IQCE: variants seen among roughly 807,000 people sequenced by gnomAD.
IQCE encodes IQ motif containing E, also known as IQ domain-containing protein E.
A neutral mutation model predicts 96.0 loss-of-function variants in IQCE; 115 were observed. The observed-to-expected ratio is 1.20, with a 90% CI of 1.03 to 1.40. The LOEUF is 1.40. Ranked by LOEUF, IQCE falls within the 40% of genes most tolerant of loss-of-function variation. The pLI, the probability that IQCE is intolerant of heterozygous loss-of-function variation, is 0.00. For synonymous variants in IQCE, 412 were observed against 371.2 expected (o/e 1.11, Z -1.26); for missense variants, 1,041 against 909.1 (o/e 1.15, Z -1.87).
rs750537749 is a variant in IQCE at position 2,605,908 on chromosome 7, C to T, written c.1776C>T (p.Ile592=). ...SSPVPRVPSP[I]AQATGSPVQE... ...CTGTGCCCCGCGTTCCGAGCCCCAT[C>T]GCCCAGGCCACGGGCAGCCCTGTGC... Residue 592 remains isoleucine (I), a synonymous_variant, in exon 20 of 22, where the codon ATC becomes ATT. Coordinates refer to ENST00000402050, the MANE Select transcript of IQCE (RefSeq NM_152558.5). 1.1e-4 allele frequency: 170 copies of T among 1,607,918 alleles called. 1 individual carries two copies. In the Admixed American group the frequency reaches 2.3e-3, roughly 21 times the overall value.
At chr7:2,603,648 C>G (rs557591026) in intron 18 of IQCE, among the ~76,000 whole-genome samples, 1 of 152,348 alleles carries the variant, frequency 6.6e-6, no homozygotes, top group African/African-American at 2.4e-5. Context: ...CCTCCCGTAC[C>G]TGGCAGCCAC....
chr7:2,591,239 A>T (rs1281766694), intron 14 of IQCE, among the ~76,000 whole-genome samples: 1 of 151,768 alleles, frequency 6.6e-6, no homozygotes, highest in East Asian at 1.9e-4. Flanking sequence ...GGTAACAGTG[A>T]GACTCTGTCT....
intron 20 of IQCE, 27 bp downstream of exon 20, chr7:2,606,024 A>G: frequency 6.3e-7 from 1 of 1,592,568 alleles, no homozygotes; most frequent in Non-Finnish European, 8.5e-7. Context: ...GGGACGTGGG[A>G]CACAGACATG....
At chr7:2,596,271 AAAAG>A (rs1296352824) in intron 16 of IQCE, among the ~76,000 whole-genome samples, 2 of 152,002 alleles carry the variant, frequency 1.3e-5, no homozygotes, top group Non-Finnish European at 2.9e-5. Context: ...CTAAAAAAAG[AAAAG>A]AAAGAGAGAA....
rs765474850 is a variant in IQCE, at chr7:2,598,589, C to T, written c.1565C>T (p.Ala522Val). The T allele has an allele frequency of 6.3e-5, 101 of 1,600,670 alleles. No individual in the cohort carries two copies. Among genetic ancestry groups the T allele is most frequent in the Non-Finnish European group, 8.2e-5 (96 of 1,174,074 alleles). ...SPCSDGRRDA[A>V]ARVLQAQWKV... ...TGCTCTGATGGGAGAAGAGACGCCG[C>T]GGCCAGAGTCCTGCAGGCCCAGTGG... The change falls in exon 17 of 22, where the codon GCG becomes GTG. Residue 522 changes from alanine (A) to valine (V), a missense_variant. Ala to Val is a moderately conservative substitution (Grantham distance 64). Transcript: ENST00000402050.
chr7:2,593,170 G>A (rs539229812), intron 15 of IQCE, 44 bp downstream of exon 15: 157 of 1,567,982 alleles, frequency 1.0e-4, no homozygotes, highest in Middle Eastern at 2.0e-4. Context: ...AGGCGAGTCC[G>A]CACTCCTGCT....
chr7:2,571,765 C>G, intron 4 of IQCE, 111 bp downstream of exon 4: 1 of 1,195,646 alleles, frequency 8.4e-7, no homozygotes, highest in Non-Finnish European at 1.2e-6. Context: ...ATTACATTGT[C>G]TTTAGTTTTC....
At chr7:2,572,513 C>T (rs1010961756) in intron 5 of IQCE, among the ~76,000 whole-genome samples, 187 bp downstream of exon 5, 4 of 152,160 alleles carry the variant, frequency 2.6e-5, no homozygotes, top group Non-Finnish European at 5.9e-5. Flanking sequence ...CCCGCCTGCC[C>T]CAGAAGGTAG....
intron 1 of IQCE, among the ~76,000 whole-genome samples, chr7:2,562,318 C>A (rs1372360186): frequency 6.9e-6 from 1 of 143,908 alleles, no homozygotes; most frequent in Non-Finnish European, 1.5e-5. Context: ...CTTTTCATGC[C>A]TACTAGCATT....
chr7:2,613,945 G>A lies in IQCE; in HGVS notation c.*3783G>A, dbSNP rs1045713. 17,373 of 152,186 alleles carry A rather than the reference G, an allele frequency of 0.11. 1,038 individuals are homozygous for A. Among genetic ancestry groups the A allele is most frequent in the Admixed American group, 0.15 (2,217 of 15,282 alleles). 9.4% of individuals were successfully genotyped at this position (152,186 alleles called of 1,614,324 possible). A position where few individuals can be genotyped will look rare whatever the true frequency, so the allele number is the denominator to read the frequency against. On this transcript the variant is annotated 3_prime_UTR_variant, in exon 22 of 22. Coordinates refer to ENST00000402050, the MANE Select transcript of IQCE (RefSeq NM_152558.5). Reference sequence around the variant, plus strand: ...AACTCCAACCCAGGGCCCGGTGTTGGACAAAGTAGCTTTTTCTTTGCTCGT... The same window carrying A: ...AACTCCAACCCAGGGCCCGGTGTTGAACAAAGTAGCTTTTTCTTTGCTCGT...
chr7:2,612,971 T>A lies in IQCE; in HGVS notation c.*2809T>A, dbSNP rs1426054032. The A allele has an allele frequency of 6.6e-6, 1 of 152,210 alleles. No individual in the cohort carries two copies. The highest frequency in any genetic ancestry group is 2.4e-5 in the African/African-American group (1 of 41,432). The allele number at this position is 152,210 out of a possible 1,614,324, so 9.4% of individuals were successfully genotyped here. ...TGCCAAAGCAGGCCCCATCTACCACTTCAGGGTCGACGTTGGTGGCAGGTG... is the reference window on the plus strand; with the variant it reads ...TGCCAAAGCAGGCCCCATCTACCACATCAGGGTCGACGTTGGTGGCAGGTG... On this transcript the variant is annotated 3_prime_UTR_variant, in exon 22 of 22. Transcript: ENST00000402050.
intron 6 of IQCE, 45 bp downstream of exon 6, chr7:2,573,533 T>G: frequency 9.5e-7 from 1 of 1,048,438 alleles, no homozygotes; most frequent in South Asian, 1.3e-5. Context: ...CGGTGAAAGC[T>G]TCCTATAACA....
rs1173272504 is a variant in IQCE at position 2,590,061 on chromosome 7, T to A, written c.1199T>A (p.Leu400Gln). The change falls in exon 14 of 22, where the codon CTG becomes CAG. Residue 400 changes from leucine to glutamine, a missense_variant. Leu to Gln is a moderately radical substitution (Grantham distance 113, BLOSUM62 -2). Transcript: ENST00000402050. Reference sequence around the variant, plus strand: ...CGTCTCCGAGGGGCTGTGAGAGACCTGAAGGAAGAGCGGACCGCGCTGCAG... The same window carrying A: ...CGTCTCCGAGGGGCTGTGAGAGACCAGAAGGAAGAGCGGACCGCGCTGCAG... ...HERLRGAVRD[L>Q]KEERTALQEQ... 6.2e-7 allele frequency: 1 copy of A among 1,613,386 alleles called. No individual in the cohort carries two copies. The highest frequency in any genetic ancestry group is 8.5e-7 in the Non-Finnish European group (1 of 1,179,896).
At chr7:2,574,673 T>G (rs1371359038) in intron 6 of IQCE, among the ~76,000 whole-genome samples, 1 of 152,246 alleles carries the variant, frequency 6.6e-6, no homozygotes, top group African/African-American at 2.4e-5. Context: ...TGTCTTTTGT[T>G]AAATCTGGGA....
intron 11 of IQCE, among the ~76,000 whole-genome samples, 165 bp from the exon 12 acceptor site, chr7:2,586,043 G>C (rs899521460): frequency 5.3e-5 from 8 of 152,092 alleles, no homozygotes; most frequent in Non-Finnish European, 1.2e-4. Context: ...TGCTTATTTA[G>C]AGTTCAAAGT....
intron 13 of IQCE, among the ~76,000 whole-genome samples, chr7:2,589,677 G>T (rs1783423542): frequency 6.6e-6 from 1 of 151,970 alleles, no homozygotes; most frequent in Non-Finnish European, 1.5e-5. Context: ...GCCCTGGCTT[G>T]GCGGGGGTCT....
intron 8 of IQCE, among the ~76,000 whole-genome samples, chr7:2,579,714 TGTGTGTG>T (rs1782510104): frequency 7.4e-6 from 1 of 136,008 alleles, no homozygotes; most frequent in Non-Finnish European, 1.6e-5. Flanking sequence ...TGTGTGTGTG[TGTGTGTG>T]TGTGTGTGTG....
intron 17 of IQCE, among the ~76,000 whole-genome samples, chr7:2,599,070 C>T (rs1029394478): frequency 2.0e-5 from 3 of 152,230 alleles, no homozygotes; most frequent in East Asian, 1.9e-4. Flanking sequence ...CGCCAGCATT[C>T]GGTCACGGCG....
intron 8 of IQCE, among the ~76,000 whole-genome samples, chr7:2,579,747 AT>A (rs1366037478): frequency 1.2e-3 from 156 of 131,044 alleles, no homozygotes; most frequent in Admixed American, 1.3e-3. Flanking sequence ...GTCTGTGGGT[AT>A]TTTTTTTTTT....
Sources: gnomAD v4.1 joint callset for allele counts (sites outside exome capture counted in the v4.1 genomes callset) on GRCh38, gnomAD v4.1.1 for gene constraint, MANE v1.5 for transcripts, NCBI Gene and HGNC (gene_info 2026-07-23, HGNC 2026-07-21) for gene names.